The following PIK3C2G variants were observed in gnomAD, a reference collection of about 807,000 sequenced individuals.
The protein encoded by PIK3C2G is phosphatidylinositol-4-phosphate 3-kinase catalytic subunit type 2 gamma, also known as phosphatidylinositol 3-kinase C2 domain-containing subunit gamma.
Under a neutral mutation model 181.1 loss-of-function variants are expected in PIK3C2G, and 168 were observed. That is an observed-to-expected ratio of 0.93 (90% CI 0.82 to 1.05). The LOEUF (loss-of-function observed/expected upper bound fraction) is 1.05. Ranked by LOEUF, PIK3C2G falls within the 50% of genes least tolerant of loss-of-function variation. The pLI, the probability that PIK3C2G is intolerant of heterozygous loss-of-function variation, is 0.00. For synonymous variants in PIK3C2G, 573 were observed against 592.2 expected (o/e 0.97, Z 0.47); for missense variants, 1,869 against 1,732.8 (o/e 1.08, Z -1.40).
chr12:18,319,370 G>C (rs1951007183), intron 6 of PIK3C2G, among the ~76,000 whole-genome samples: 1 of 151,748 alleles, frequency 6.6e-6, no homozygotes, highest in Admixed American at 6.6e-5. Context: ...TTAAGGCCAA[G>C]GTATGGCCTC....
the PIK3C2G span, among the ~76,000 whole-genome samples, chr12:18,720,267 G>T: frequency 5.6e-4 from 85 of 151,816 alleles, no homozygotes; most frequent in East Asian, 0.016. Context: ...TTCTATCACT[G>T]ATAGGCATTT....
intron 2 of PIK3C2G, 42 bp from the exon 3 acceptor site, chr12:18,286,805 C>T: frequency 2.0e-6 from 2 of 1,019,176 alleles, no homozygotes; most frequent in Middle Eastern, 4.7e-4. Context: ...TTAATAGTTT[C>T]TCTTCTCCAA....
At chr12:18,626,883 AT>A (rs1949124246) in intron 31 of PIK3C2G, among the ~76,000 whole-genome samples, 1 of 151,408 alleles carries the variant, frequency 6.6e-6, no homozygotes. Context: ...TTGATTGGAG[AT>A]TTCTGTGGTT....
the PIK3C2G span, among the ~76,000 whole-genome samples, chr12:18,667,781 T>C: frequency 6.6e-6 from 1 of 152,302 alleles, no homozygotes; most frequent in African/African-American, 2.4e-5. Flanking sequence ...AGAAATGTCC[T>C]TGAGCCCAGC....
chr12:18,469,304 T>A (rs1363945840), intron 18 of PIK3C2G, among the ~76,000 whole-genome samples: 1 of 152,116 alleles, frequency 6.6e-6, no homozygotes, highest in Non-Finnish European at 1.5e-5. Context: ...CTTCTTTGAT[T>A]TCAGTGCAAC....
At chr12:18,630,474 A>C (rs899683218) in intron 31 of PIK3C2G, among the ~76,000 whole-genome samples, 4 of 152,178 alleles carry the variant, frequency 2.6e-5, no homozygotes, top group African/African-American at 7.2e-5. Context: ...TTTAAATTTT[A>C]ATTGAAGATT....
At chr12:18,554,608 A>G (rs80216784) in intron 26 of PIK3C2G, among the ~76,000 whole-genome samples, 6,793 of 152,108 alleles carry the variant, frequency 0.045, 339 homozygotes, top group African/African-American at 0.13. Context: ...TACATTAGCA[A>G]TGATTGTCAC....
chr12:18,656,021 A>G, the PIK3C2G span, among the ~76,000 whole-genome samples: 1 of 152,216 alleles, frequency 6.6e-6, no homozygotes, highest in East Asian at 1.9e-4. Context: ...CAATATATCA[A>G]TATTGGTTCA....
At chr12:18,395,756 C>T (rs1429759809) in intron 15 of PIK3C2G, among the ~76,000 whole-genome samples, 2 of 150,944 alleles carry the variant, frequency 1.3e-5, no homozygotes, top group African/African-American at 4.9e-5. Context: ...GTAAACTGTT[C>T]CAAGTTTTTC....
chr12:18,245,803 G>A (rs765718334), upstream of PIK3C2G, among the ~76,000 whole-genome samples: 19 of 151,996 alleles, frequency 1.3e-4, no homozygotes, highest in Non-Finnish European at 2.1e-4. Flanking sequence ...TTTATTGTAA[G>A]TTTTTCCATT....
chr12:18,322,885 T>C (rs1020362330), intron 7 of PIK3C2G, among the ~76,000 whole-genome samples: 2 of 152,204 alleles, frequency 1.3e-5, no homozygotes, highest in Admixed American at 6.5e-5. Flanking sequence ...ACAAGGTCTG[T>C]AGTTTCCTTT....
At chr12:18,416,190 G>A (rs11044091) in intron 16 of PIK3C2G, among the ~76,000 whole-genome samples, 16,599 of 151,972 alleles carry the variant, frequency 0.11, 927 homozygotes, top group Non-Finnish European at 0.13. Context: ...GGTTGCAGTG[G>A]GCTGAGATTG....
In PIK3C2G at chr12:18,423,942, C is replaced by T. The variant is rs1945637759; in HGVS notation, c.2410-3C>T. On this transcript the variant is annotated splice_region_variant and splice_polypyrimidine_tract_variant and intron_variant, in intron 17 of 32. Transcript: ENST00000538779. ...AGTAAAGTAATTGTGTCTCTTACTTCAGGCTGTCAAGTTTGAATGGAACCT... is the reference window on the plus strand; with the variant it reads ...AGTAAAGTAATTGTGTCTCTTACTTTAGGCTGTCAAGTTTGAATGGAACCT... 1 of 1,592,084 alleles carries T rather than the reference C, an allele frequency of 6.3e-7. No individual in the cohort carries two copies. Among genetic ancestry groups the T allele is most frequent in the Non-Finnish European group, 8.6e-7 (1 of 1,162,450 alleles).
intron 18 of PIK3C2G, among the ~76,000 whole-genome samples, chr12:18,465,420 T>C (rs1404138631): frequency 1.3e-5 from 2 of 151,976 alleles, no homozygotes; most frequent in Non-Finnish European, 1.5e-5. Flanking sequence ...CCATCATTTC[T>C]TCTTGCATTT....
At chr12:18,672,362 T>C in the PIK3C2G span, among the ~76,000 whole-genome samples, 4 of 152,170 alleles carry the variant, frequency 2.6e-5, no homozygotes, top group African/African-American at 9.7e-5. Context: ...GGTTTTTAAT[T>C]GTTTACTTTT....
At chr12:18,303,358 A>T (rs149476220) in intron 5 of PIK3C2G, among the ~76,000 whole-genome samples, 1 of 141,252 alleles carries the variant, frequency 7.1e-6, no homozygotes, top group East Asian at 2.1e-4. Flanking sequence ...TCTTTCTGAC[A>T]CAGTCTCACT....
chr12:18,495,128 C>A (rs1393476159), intron 20 of PIK3C2G, among the ~76,000 whole-genome samples: 1 of 152,024 alleles, frequency 6.6e-6, no homozygotes, highest in Non-Finnish European at 1.5e-5. Flanking sequence ...TTGTAGATAA[C>A]GTTGTTCAAG....
intron 20 of PIK3C2G, 110 bp downstream of exon 20, chr12:18,491,668 T>C (rs974926477): frequency 4.9e-6 from 3 of 612,992 alleles, no homozygotes; most frequent in Non-Finnish European, 8.6e-6. Context: ...ACTGCAATTA[T>C]TTTAACGAAA....
intron 29 of PIK3C2G, among the ~76,000 whole-genome samples, chr12:18,585,285 A>C (rs2136444464): frequency 6.6e-6 from 1 of 152,308 alleles, no homozygotes; most frequent in African/African-American, 2.4e-5. Context: ...TGCTATCTTT[A>C]AGAGTCCCAT....
Sources: gnomAD v4.1 joint callset for allele counts (sites outside exome capture counted in the v4.1 genomes callset) on GRCh38, gnomAD v4.1.1 for gene constraint, MANE v1.5 for transcripts, NCBI Gene and HGNC (gene_info 2026-07-23, HGNC 2026-07-21) for gene names.